IL1RAPL1: variants seen among roughly 807,000 people sequenced by gnomAD.
The protein encoded by IL1RAPL1 is interleukin 1 receptor accessory protein like 1.
Under a neutral mutation model 48.4 loss-of-function variants are expected in IL1RAPL1, and 3 were observed. The ratio of observed to expected loss-of-function variants is 0.06; its 90% CI spans 0.03 to 0.16. The LOEUF (loss-of-function observed/expected upper bound fraction) is 0.16, where lower values mean the gene tolerates loss of function less well. IL1RAPL1 is among the 10% of genes least tolerant of loss of function. The pLI, the probability that IL1RAPL1 is intolerant of heterozygous loss-of-function variation, is 1.00. For missense variants in IL1RAPL1, 349 were observed against 530.6 expected, an observed-to-expected ratio of 0.66 and a Z score of 3.36; for synonymous variants, 185 against 187.7, an observed-to-expected ratio of 0.99 and a Z score of 0.12.
chrX:29,154,887 T>C (rs980494603), intron 2 of IL1RAPL1, among the ~76,000 whole-genome samples: 1 of 112,006 alleles, frequency 8.9e-6, no homozygotes, highest in Non-Finnish European at 1.9e-5. Context: ...TCACACAATA[T>C]TGATACTTAG....
intron 1 of IL1RAPL1, among the ~76,000 whole-genome samples, chrX:28,761,733 G>T (rs1171483473): frequency 9.0e-6 from 1 of 111,250 alleles, no homozygotes; most frequent in Non-Finnish European, 1.9e-5. Flanking sequence ...ATGTACCCCC[G>T]AATCTAAAAT....
At chrX:29,818,556 A>T (rs1369126260) in intron 6 of IL1RAPL1, among the ~76,000 whole-genome samples, 1 of 112,103 alleles carries the variant, frequency 8.9e-6, no homozygotes, top group Non-Finnish European at 1.9e-5. Context: ...AATAAATGTC[A>T]AATTTGTATT....
chrX:28,603,009 A>C (rs1326534748), intron 1 of IL1RAPL1, among the ~76,000 whole-genome samples: 1 of 111,691 alleles, frequency 9.0e-6, no homozygotes, highest in Non-Finnish European at 1.9e-5. Context: ...GAAATGTGCA[A>C]TTTGTATACA....
At chrX:29,334,319 CG>C (rs1273159021) in intron 3 of IL1RAPL1, among the ~76,000 whole-genome samples, 2 of 85,641 alleles carry the variant, frequency 2.3e-5, no homozygotes, top group Non-Finnish European at 4.6e-5. Flanking sequence ...GCTGGCCGGG[CG>C]GGGGGCTGAC....
intron 2 of IL1RAPL1, among the ~76,000 whole-genome samples, chrX:28,909,457 G>A (rs1013365139): frequency 9.0e-6 from 1 of 111,207 alleles, no homozygotes; most frequent in Admixed American, 9.6e-5. Context: ...ATCTATGTCA[G>A]TTCCATAATT....
At chrX:29,414,387 G>T (rs2147700247) in intron 5 of IL1RAPL1, among the ~76,000 whole-genome samples, 1 of 111,896 alleles carries the variant, frequency 8.9e-6, no homozygotes, top group Non-Finnish European at 1.9e-5. Flanking sequence ...AGATTCATTT[G>T]AAAATAAATG....
chrX:29,107,892 A>C (rs1341142505), intron 2 of IL1RAPL1, among the ~76,000 whole-genome samples: 1 of 112,152 alleles, frequency 8.9e-6, no homozygotes, highest in Non-Finnish European at 1.9e-5. Context: ...AATTTTTGGA[A>C]GTTTAGACCA....
At chrX:28,945,903 A>ATATATGTG (rs1282562909) in intron 2 of IL1RAPL1, among the ~76,000 whole-genome samples, 2 of 97,654 alleles carry the variant, frequency 2.0e-5, no homozygotes, top group East Asian at 3.3e-4. Context: ...ATATATATAT[A>ATATATGTG]TGTGTGTGTG....
chrX:28,968,029 G>T (rs1924962686), intron 2 of IL1RAPL1, among the ~76,000 whole-genome samples: 1 of 111,373 alleles, frequency 9.0e-6, no homozygotes, highest in South Asian at 3.7e-4. Flanking sequence ...GGGCAGTGCG[G>T]CCAGATGGCA....
chrX:28,640,964 G>C (rs999487423), intron 1 of IL1RAPL1, among the ~76,000 whole-genome samples: 1 of 110,987 alleles, frequency 9.0e-6, no homozygotes, highest in Non-Finnish European at 1.9e-5. Context: ...TTTAAGAACA[G>C]CTTATCTGGG....
At chrX:29,355,117 G>A (rs749534361) in intron 3 of IL1RAPL1, among the ~76,000 whole-genome samples, 1 of 112,070 alleles carries the variant, frequency 8.9e-6, no homozygotes, top group Non-Finnish European at 1.9e-5. Flanking sequence ...GGTACAGACA[G>A]AAAGAGACAC....
intron 2 of IL1RAPL1, among the ~76,000 whole-genome samples, chrX:29,026,256 T>G (rs1926483737): frequency 8.9e-6 from 1 of 112,112 alleles, no homozygotes; most frequent in African/African-American, 3.2e-5. Context: ...TGACTACTGA[T>G]TTGATTTGAT....
intron 2 of IL1RAPL1, among the ~76,000 whole-genome samples, chrX:29,209,961 A>G (rs1423544701): frequency 1.8e-5 from 2 of 111,869 alleles, no homozygotes; most frequent in Non-Finnish European, 3.8e-5. Flanking sequence ...GGAAGGGACC[A>G]TTTTAAATGG....
chrX:28,826,618 G>A (rs1000143338), intron 2 of IL1RAPL1, among the ~76,000 whole-genome samples: 2 of 111,055 alleles, frequency 1.8e-5, no homozygotes, highest in African/African-American at 6.5e-5. Context: ...GTGATTCTCT[G>A]GCACCTAATA....
chrX:29,711,725 A>C (rs1237089313), intron 6 of IL1RAPL1, among the ~76,000 whole-genome samples: 2 of 111,429 alleles, frequency 1.8e-5, no homozygotes, highest in Non-Finnish European at 3.8e-5. Flanking sequence ...GGATCTTATA[A>C]TTATTTAAGG....
chrX:29,689,223 G>A (rs907212700), intron 6 of IL1RAPL1, among the ~76,000 whole-genome samples: 1 of 111,480 alleles, frequency 9.0e-6, no homozygotes, highest in African/African-American at 3.3e-5. Flanking sequence ...ACACATCGTA[G>A]TATCTAACCA....
At chrX:29,827,580 G>A (rs1930766090) in intron 6 of IL1RAPL1, among the ~76,000 whole-genome samples, 1 of 111,789 alleles carries the variant, frequency 8.9e-6, no homozygotes, top group African/African-American at 3.2e-5. Context: ...CTGATGAGGT[G>A]TTGTTTGATC....
At chrX:29,551,990 A>C (rs1333869980) in intron 5 of IL1RAPL1, among the ~76,000 whole-genome samples, 2 of 111,681 alleles carry the variant, frequency 1.8e-5, no homozygotes, top group Non-Finnish European at 3.8e-5. Flanking sequence ...ACTTTCAAAA[A>C]ACTATCGTCT....
At chrX:29,183,671 C>T (rs961076996) in intron 2 of IL1RAPL1, among the ~76,000 whole-genome samples, 1 of 112,169 alleles carries the variant, frequency 8.9e-6, no homozygotes, top group African/African-American at 3.2e-5. Flanking sequence ...CTCCTCTTCA[C>T]TCCCATTCCC....
Sources: gnomAD v4.1 joint callset for allele counts (sites outside exome capture counted in the v4.1 genomes callset) on GRCh38, gnomAD v4.1.1 for gene constraint, MANE v1.5 for transcripts, NCBI Gene and HGNC (gene_info 2026-07-23, HGNC 2026-07-21) for gene names.